Variants in HTR7 observed in about 807,000 individuals in gnomAD.
HTR7 encodes 5-hydroxytryptamine receptor 7, also known as 5-HT-7.
Under a neutral mutation model 34.0 loss-of-function variants are expected in HTR7, and 16 were observed. The observed-to-expected ratio is 0.47, with a 90% CI of 0.32 to 0.71. The LOEUF (loss-of-function observed/expected upper bound fraction) is 0.71. Ranked by LOEUF, HTR7 falls within the 30% of genes least tolerant of loss-of-function variation. The pLI is 0.04. For missense variants in HTR7, 504 were observed against 625.5 expected, an observed-to-expected ratio of 0.81 and a Z score of 2.07; for synonymous variants, 265 against 260.2, an observed-to-expected ratio of 1.02 and a Z score of -0.18.
intron 2 of HTR7, among the ~76,000 whole-genome samples, chr10:90,745,508 T>C (rs11812708): frequency 0.23 from 35,128 of 152,170 alleles, 4,315 homozygotes; most frequent in African/African-American, 0.32. Context: ...TAGCAACATA[T>C]GTCTGTTTGT....
chr10:90,795,524 A>C (rs1487753852), intron 1 of HTR7, among the ~76,000 whole-genome samples: 1 of 152,218 alleles, frequency 6.6e-6, no homozygotes, highest in African/African-American at 2.4e-5. Context: ...AACTAGAAGT[A>C]AGAAGACAGG....
At chr10:90,752,146 C>G (rs1365493007) in intron 1 of HTR7, among the ~76,000 whole-genome samples, 1 of 152,096 alleles carries the variant, frequency 6.6e-6, no homozygotes, top group Non-Finnish European at 1.5e-5. Flanking sequence ...AGGCTCCTCA[C>G]TTCCACCTGG....
intron 1 of HTR7, among the ~76,000 whole-genome samples, chr10:90,796,625 TC>T (rs1477287243): frequency 1.3e-5 from 2 of 152,062 alleles, no homozygotes; most frequent in African/African-American, 4.8e-5. Flanking sequence ...TGTGGAAGGA[TC>T]ACTTGAGCCT....
At position 90,857,778 on chromosome 10, in the gene HTR7, A is replaced by G; in HGVS notation, c.-107T>C. 8.6e-7 allele frequency: 1 copy of G among 1,166,324 alleles called. No individual in the cohort carries two copies. Among genetic ancestry groups the G allele is most frequent in the Non-Finnish European group, 1.1e-6 (1 of 900,778 alleles). The allele number at this position is 1,166,324 out of a possible 1,614,324, so 72.2% of individuals were successfully genotyped here. The stretch of plus-strand genomic sequence containing the variant: ...CGGTTCCGCTCCGCCCGGCCCAGCC[A>G]TGGGGCCCGCGCCGACCGCTGGGGG... On this transcript the variant is annotated 5_prime_UTR_variant, in exon 1 of 4. An upstream start codon of the reference 5' UTR is lost. Transcript: ENST00000336152. This position sits in a 1 kb window ranked among gnomAD's most constrained non-coding sequence, Gnocchi z 6.5.
At chr10:90,753,974 T>C (rs1211302301) in intron 1 of HTR7, among the ~76,000 whole-genome samples, 1 of 152,070 alleles carries the variant, frequency 6.6e-6, no homozygotes, top group African/African-American at 2.4e-5. Flanking sequence ...AAAATATCAA[T>C]AGTAGTTTTA....
chr10:90,855,333 T>A (rs527467355), intron 1 of HTR7, among the ~76,000 whole-genome samples: 8 of 152,348 alleles, frequency 5.3e-5, no homozygotes, highest in African/African-American at 1.9e-4. Flanking sequence ...CTTTAGCTCA[T>A]GTATAGGAAT....
intron 1 of HTR7, among the ~76,000 whole-genome samples, chr10:90,807,386 T>A (rs185489657): frequency 6.6e-6 from 1 of 152,208 alleles, no homozygotes; most frequent in Non-Finnish European, 1.5e-5. Flanking sequence ...ACAAAAGAAG[T>A]GAATATGCCC....
intron 1 of HTR7, among the ~76,000 whole-genome samples, chr10:90,834,931 C>G (rs1378964338): frequency 8.5e-5 from 13 of 152,104 alleles, no homozygotes. Context: ...TATCACAAGG[C>G]TGCATACAAG....
At position 90,857,510 on chromosome 10, in the gene HTR7, G is replaced by T. The variant is rs776547845; in HGVS notation, c.162C>A (p.Ala54=). 11 of 1,611,996 alleles carry T rather than the reference G, an allele frequency of 6.8e-6. No individual in the cohort carries two copies. Among genetic ancestry groups the T allele is most frequent in the Non-Finnish European group, 7.6e-6 (9 of 1,179,562 alleles). Reference sequence around the variant, plus strand: ...GCGCGTCCCAGGTGGGCGCCGGGCTGGCTGTCACCTCGCTCAGCAGGTGCG... The same window carrying T: ...GCGCGTCCCAGGTGGGCGCCGGGCTTGCTGTCACCTCGCTCAGCAGGTGCG... The part of the protein sequence containing the change: ...WAPHLLSEVT[A]SPAPTWDAPP... The change falls in exon 1 of 4, where the codon GCC becomes GCA. Residue 54 remains alanine, a synonymous_variant. Transcript: ENST00000336152. This position sits in a 1 kb window ranked among gnomAD's most constrained non-coding sequence, Gnocchi z 6.5.
intron 1 of HTR7, among the ~76,000 whole-genome samples, chr10:90,785,420 C>T (rs980559003): frequency 2.6e-5 from 4 of 152,098 alleles, no homozygotes; most frequent in East Asian, 1.9e-4. Context: ...TCTGTCTTCT[C>T]GGTGAAAGCG....
At chr10:90,788,909 C>G (rs1212917004) in intron 1 of HTR7, among the ~76,000 whole-genome samples, 1 of 152,154 alleles carries the variant, frequency 6.6e-6, no homozygotes, top group Non-Finnish European at 1.5e-5. Flanking sequence ...CATAGCCTAG[C>G]AAACTCCTAT....
chr10:90,805,135 T>C (rs958854827), intron 1 of HTR7, among the ~76,000 whole-genome samples: 1 of 152,088 alleles, frequency 6.6e-6, no homozygotes, highest in African/African-American at 2.4e-5. Context: ...GGCTGGTGAG[T>C]TGGGCAATAG....
intron 1 of HTR7, among the ~76,000 whole-genome samples, chr10:90,831,757 C>T (rs993580253): frequency 3.9e-5 from 6 of 152,068 alleles, no homozygotes; most frequent in African/African-American, 9.7e-5. Context: ...AAGTTATCCA[C>T]GTCCCCACTA....
chr10:90,795,857 T>A (rs549792190), intron 1 of HTR7, among the ~76,000 whole-genome samples: 63 of 152,268 alleles, frequency 4.1e-4, no homozygotes, highest in African/African-American at 1.4e-3. Context: ...TTGAGGGGTG[T>A]TTCCACGTCA....
At chr10:90,761,731 T>C (rs1216576218) in intron 1 of HTR7, among the ~76,000 whole-genome samples, 1 of 152,112 alleles carries the variant, frequency 6.6e-6, no homozygotes, top group African/African-American at 2.4e-5. Context: ...GTCACCATGC[T>C]GTACATTAGA....
intron 1 of HTR7, among the ~76,000 whole-genome samples, chr10:90,843,553 T>C (rs1846362381): frequency 6.6e-6 from 1 of 151,978 alleles, no homozygotes; most frequent in Non-Finnish European, 1.5e-5. Context: ...GAGACATGAA[T>C]AGATGTGTGA....
chr10:90,827,776 T>C (rs1474332243), intron 1 of HTR7, among the ~76,000 whole-genome samples: 3 of 152,148 alleles, frequency 2.0e-5, no homozygotes, highest in Non-Finnish European at 4.4e-5. Context: ...AATACAATGA[T>C]AGCAGGAGAC....
At chr10:90,780,743 A>C (rs1286074854) in intron 1 of HTR7, among the ~76,000 whole-genome samples, 2 of 152,144 alleles carry the variant, frequency 1.3e-5, no homozygotes, top group African/African-American at 4.8e-5. Context: ...TATCATCAAG[A>C]ATGACAAAAT....
In HTR7 at chr10:90,771,808, A is replaced by G. The variant is rs897634747; in HGVS notation, c.540-22214T>C. 2.0e-4 allele frequency among the ~76,000 whole-genome samples: 30 copies of G among 152,330 alleles called. 1 individual carries two copies. Among genetic ancestry groups the G allele is most frequent in the Admixed American group, 1.7e-3 (26 of 15,306 alleles). On this transcript the variant is annotated intron_variant, in intron 1 of 3. Transcript: ENST00000336152. ...CAGCCTGCCAGGCCGAGTGGGCAGA[A>G]CAAGAACAGCAGCCCCAAGCAAAAC...
Sources: gnomAD v4.1 joint callset for allele counts (sites outside exome capture counted in the v4.1 genomes callset) on GRCh38, gnomAD v4.1.1 for gene constraint, Gnocchi (gnomAD v3.1) non-coding constraint, MANE v1.5 for transcripts, NCBI Gene and HGNC (gene_info 2026-07-23, HGNC 2026-07-21) for gene names.